The following CLSTN2 variants were observed in gnomAD, a reference collection of about 807,000 sequenced individuals.
CLSTN2 encodes the protein calsyntenin-2.
CLSTN2 carries 48 observed loss-of-function variants against 101.2 expected under a neutral mutation model. The ratio of observed to expected loss-of-function variants is 0.47; its 90% confidence interval spans 0.38 to 0.60. CLSTN2 has a LOEUF of 0.60. Ranked by LOEUF, CLSTN2 falls within the 20% of genes least tolerant of loss-of-function variation. CLSTN2 has a pLI of 0.00. For synonymous variants in CLSTN2, 481 were observed against 463.6 expected (o/e 1.04, Z -0.48); for missense variants, 1,160 against 1,238.2 (o/e 0.94, Z 0.95).
At chr3:140,386,748 C>A (rs1283601388) in intron 2 of CLSTN2, among the ~76,000 whole-genome samples, 1 of 152,168 alleles carries the variant, frequency 6.6e-6, no homozygotes, top group Admixed American at 6.5e-5. Flanking sequence ...GCACCAGCAC[C>A]TGCACAAGAG....
At chr3:140,094,977 C>CA (rs571052692) in intron 1 of CLSTN2, among the ~76,000 whole-genome samples, 118 of 152,262 alleles carry the variant, frequency 7.7e-4, no homozygotes, top group Non-Finnish European at 1.3e-3. Flanking sequence ...TTCAAGGTCT[C>CA]AAAATGACTT....
intron 8 of CLSTN2, among the ~76,000 whole-genome samples, chr3:140,530,743 T>G (rs1015393353): frequency 1.3e-5 from 2 of 152,160 alleles, no homozygotes; most frequent in African/African-American, 2.4e-5. Flanking sequence ...AGCCCCCAAG[T>G]GCTGTCTGGT....
At chr3:139,962,660 T>C (rs1935531929) in intron 1 of CLSTN2, among the ~76,000 whole-genome samples, 1 of 152,364 alleles carries the variant, frequency 6.6e-6, no homozygotes, top group African/African-American at 2.4e-5. Context: ...AAGAATTTTC[T>C]TCTTTTCGTT....
intron 8 of CLSTN2, among the ~76,000 whole-genome samples, chr3:140,522,041 C>G (rs956879058): frequency 3.9e-5 from 6 of 152,182 alleles, no homozygotes; most frequent in African/African-American, 1.2e-4. Flanking sequence ...GACCCGAGAC[C>G]CTGGTGGCTT....
At chr3:140,319,249 A>G (rs12634849) in intron 2 of CLSTN2, among the ~76,000 whole-genome samples, 11,255 of 152,208 alleles carry the variant, frequency 0.074, 566 homozygotes, top group East Asian at 0.21. Flanking sequence ...GGGCAAATCC[A>G]GCAGCTCAGT....
intron 10 of CLSTN2, among the ~76,000 whole-genome samples, chr3:140,551,851 G>T (rs1258379039): frequency 6.8e-6 from 1 of 148,106 alleles, no homozygotes; most frequent in Non-Finnish European, 1.5e-5. Context: ...ATATATTTTA[G>T]TGTATACATA....
intron 2 of CLSTN2, among the ~76,000 whole-genome samples, chr3:140,193,734 C>T (rs935364863): frequency 5.9e-5 from 9 of 151,916 alleles, no homozygotes; most frequent in African/African-American, 2.2e-4. Flanking sequence ...TTTTTTAGCA[C>T]TGCTTTCTTT....
At chr3:140,404,113 C>T (rs908331696) in intron 3 of CLSTN2, among the ~76,000 whole-genome samples, 6 of 152,258 alleles carry the variant, frequency 3.9e-5, no homozygotes, top group African/African-American at 1.2e-4. Context: ...GGCCCACCCC[C>T]GCAGACCTGG....
chr3:140,085,114 G>T (rs1456870519), intron 1 of CLSTN2, among the ~76,000 whole-genome samples: 1 of 152,190 alleles, frequency 6.6e-6, no homozygotes, highest in Non-Finnish European at 1.5e-5. Context: ...CACCAGCACA[G>T]TTAATTGAGG....
intron 2 of CLSTN2, among the ~76,000 whole-genome samples, chr3:140,223,186 G>C (rs1253253785): frequency 6.6e-6 from 1 of 152,248 alleles, no homozygotes; most frequent in Non-Finnish European, 1.5e-5. Context: ...CTTACCTGGA[G>C]ATAGCAACAA....
intron 1 of CLSTN2, among the ~76,000 whole-genome samples, chr3:140,158,204 A>G (rs537325276): frequency 1.3e-5 from 2 of 152,356 alleles, no homozygotes; most frequent in Admixed American, 1.3e-4. Flanking sequence ...AGTCCTAGCC[A>G]GAGCAATCAG....
At chr3:140,341,298 A>C (rs1265636327) in intron 2 of CLSTN2, among the ~76,000 whole-genome samples, 1 of 152,206 alleles carries the variant, frequency 6.6e-6, no homozygotes, top group African/African-American at 2.4e-5. Context: ...ACTATTGCAC[A>C]GTCTTCCTCT....
rs35645750 is a variant in CLSTN2, at chr3:140,076,625, G to GTTTTTTTTTTTTTTTTTTT, written c.110-99316_110-99298dup. On this transcript the variant is annotated intron_variant, in intron 1 of 16. Transcript: ENST00000458420. ...CAATGACTCCCCTCTCACCAGCAGT[G>GTTTTTTTTTTTTTTTTTTT]TTTTTTTTTTTTTTTTTTTTTTTTT... Among the ~76,000 whole-genome samples the GTTTTTTTTTTTTTTTTTTT allele has an allele frequency of 3.4e-4, 13 of 38,070 alleles. 1 individual carries two copies. Among genetic ancestry groups the GTTTTTTTTTTTTTTTTTTT allele is most frequent in the African/African-American group, 1.5e-3 (13 of 8,918 alleles). 25.0% of individuals were successfully genotyped at this position (38,070 alleles called of 152,430 possible).
At chr3:140,200,408 G>A (rs575689321) in intron 2 of CLSTN2, among the ~76,000 whole-genome samples, 106 of 152,216 alleles carry the variant, frequency 7.0e-4, no homozygotes, top group Non-Finnish European at 3.4e-4. Context: ...GCCAAAAAGA[G>A]CCTGTGTTTG....
At chr3:140,412,089 C>A (rs572858809) in intron 4 of CLSTN2, among the ~76,000 whole-genome samples, 103 of 152,332 alleles carry the variant, frequency 6.8e-4, no homozygotes, top group Non-Finnish European at 1.2e-3. Flanking sequence ...AATCTAGGCT[C>A]ACCATAACCT....
chr3:139,977,749 G>A (rs907374522), intron 1 of CLSTN2, among the ~76,000 whole-genome samples: 2 of 152,194 alleles, frequency 1.3e-5, no homozygotes, highest in East Asian at 3.9e-4. Context: ...GGCAGCCTGG[G>A]CATTGCAGAA....
At chr3:140,421,863 C>G (rs1043214597) in intron 5 of CLSTN2, among the ~76,000 whole-genome samples, 2 of 152,168 alleles carry the variant, frequency 1.3e-5, no homozygotes, top group African/African-American at 2.4e-5. Flanking sequence ...CCTTAGATAA[C>G]AGTTTATCAC....
At chr3:140,007,427 C>A (rs536281425) in intron 1 of CLSTN2, among the ~76,000 whole-genome samples, 21 of 152,322 alleles carry the variant, frequency 1.4e-4, no homozygotes, top group South Asian at 8.3e-4. Context: ...CTGGCCAGGG[C>A]TGCATTTCGA....
intron 1 of CLSTN2, among the ~76,000 whole-genome samples, chr3:139,989,792 G>A (rs986060328): frequency 2.6e-5 from 4 of 151,834 alleles, no homozygotes; most frequent in African/African-American, 9.7e-5. Context: ...CCCACCACCC[G>A]GCCAGTCCAT....
Sources: allele counts gnomAD v4.1 joint callset (sites outside exome capture counted in the v4.1 genomes callset), GRCh38; gene constraint gnomAD v4.1.1; transcripts MANE v1.5; gene names NCBI Gene and HGNC (gene_info 2026-07-23, HGNC 2026-07-21).